PANK4: variants seen among roughly 807,000 people sequenced by gnomAD.
PANK4 encodes 4'-phosphopantetheine phosphatase.
A neutral mutation model predicts 87.9 loss-of-function variants in PANK4; 40 were observed. The observed-to-expected ratio is 0.46, with a 90% CI of 0.35 to 0.59. PANK4 has a LOEUF of 0.59. Ranked by LOEUF, PANK4 falls within the 20% of genes least tolerant of loss-of-function variation. The pLI is 0.00. For synonymous variants in PANK4, 524 were observed against 467.4 expected (o/e 1.12, Z -1.56); for missense variants, 926 against 1,072.3 (o/e 0.86, Z 1.90).
intron 1 of PANK4, among the ~76,000 whole-genome samples, chr1:2,523,487 G>A (rs996443493): frequency 6.6e-6 from 1 of 152,164 alleles, no homozygotes; most frequent in African/African-American, 2.4e-5. Flanking sequence ...CTCATCAAAA[G>A]TCAGTATAAA....
chr1:2,515,967 C>T lies in PANK4; in HGVS notation c.1219-250G>A. 1 of 564,452 alleles carries T rather than the reference C, an allele frequency of 1.8e-6. No homozygotes were observed. Among genetic ancestry groups the T allele is most frequent in the Non-Finnish European group, 3.2e-6 (1 of 315,138 alleles). 35.0% of individuals were successfully genotyped at this position (564,452 alleles called of 1,614,324 possible). A position where few individuals can be genotyped will look rare whatever the true frequency, so the allele number is the denominator to read the frequency against. On this transcript the variant is annotated intron_variant, in intron 9 of 18. Coordinates refer to ENST00000378466, the MANE Select transcript of PANK4 (RefSeq NM_018216.4). The surrounding 1 kb of genome is among the most constrained non-coding windows in gnomAD (Gnocchi z 5.0). Reference sequence around the variant, plus strand: ...CCCACCACACGCCTCCTGCCCCCAGCACCTCCCCGCTGCAGCCACACCTCC... The same window carrying T: ...CCCACCACACGCCTCCTGCCCCCAGTACCTCCCCGCTGCAGCCACACCTCC...
At chr1:2,522,199 T>C (rs965196322) in intron 1 of PANK4, among the ~76,000 whole-genome samples, 1 of 152,228 alleles carries the variant, frequency 6.6e-6, no homozygotes, top group African/African-American at 2.4e-5. Context: ...CAGGCTGTTT[T>C]CGTTTTAAGA....
intron 9 of PANK4, among the ~76,000 whole-genome samples, chr1:2,517,498 C>G (rs879309984): frequency 1.3e-5 from 2 of 152,244 alleles, no homozygotes; most frequent in African/African-American, 2.4e-5. Context: ...CGCGGGGGGG[C>G]ACGGTCGAGG....
intron 9 of PANK4, among the ~76,000 whole-genome samples, chr1:2,516,247 C>T (rs1056312537): frequency 2.8e-4 from 43 of 152,088 alleles, no homozygotes; most frequent in African/African-American, 9.4e-4. Context: ...GGAGTCCCCA[C>T]GCCCCACATG....
rs1553121821 is a variant in PANK4, at chr1:2,511,394, C to T, written c.1784-7G>A. ...TCCACGAGCCAGGGTCTTTCTGAGACAGAGAGAGGGACACATGATTAGCCC... is the reference window on the plus strand; with the variant it reads ...TCCACGAGCCAGGGTCTTTCTGAGATAGAGAGAGGGACACATGATTAGCCC... On this transcript the variant is annotated splice_region_variant and splice_polypyrimidine_tract_variant and intron_variant, in intron 14 of 18. Coordinates refer to ENST00000378466, the MANE Select transcript of PANK4 (RefSeq NM_018216.4). 1.9e-6 allele frequency: 3 copies of T among 1,606,070 alleles called. No individual in the cohort carries two copies. The highest frequency in any genetic ancestry group is 2.6e-6 in the Non-Finnish European group (3 of 1,173,586).
rs1458016488 is a variant in PANK4, at chr1:2,510,063, A to G, written c.2033T>C (p.Val678Ala). 2.5e-6 allele frequency: 4 copies of G among 1,608,640 alleles called. No homozygotes were observed. The highest frequency in any genetic ancestry group is 2.5e-6 in the Non-Finnish European group (3 of 1,177,566). The change falls in exon 17 of 19, where the codon GTC (valine) becomes GCC (alanine). Residue 678 changes from valine (V) to alanine (A), a missense_variant. Val to Ala is a moderately conservative substitution (Grantham distance 64). Coordinates refer to ENST00000378466, the MANE Select transcript of PANK4 (RefSeq NM_018216.4). The surrounding 1 kb of genome is among the most constrained non-coding windows in gnomAD (Gnocchi z 4.9). ...ACTGCCCGCCAACACTCACTGCACG[A>G]CAGGGTCCATGCCCGCAATACGCTC... ...VAERIAGMDP[V>A]VHSALQEERL...
Position 2,509,967 on chromosome 1 carries a change from C to T in PANK4, c.2040-37G>A, listed in dbSNP as rs1643632667. The stretch of plus-strand genomic sequence containing the variant: ...AAGGTGGTCAGTGCCCCCAGGAGCT[C>T]CCAGTTCAGTGACAATCCCCATGGC... On this transcript the variant is annotated intron_variant, in intron 17 of 18. Coordinates refer to ENST00000378466, the MANE Select transcript of PANK4 (RefSeq NM_018216.4). This position sits in a 1 kb window ranked among gnomAD's most constrained non-coding sequence, Gnocchi z 4.9. 1 of 1,597,776 alleles carries T rather than the reference C, an allele frequency of 6.3e-7. No homozygotes were observed. Among genetic ancestry groups the T allele is most frequent in the Non-Finnish European group, 8.5e-7 (1 of 1,171,056 alleles).
At chr1:2,517,993 A>G (rs1042427284) in intron 9 of PANK4, among the ~76,000 whole-genome samples, 171 bp downstream of exon 9, 5 of 152,228 alleles carry the variant, frequency 3.3e-5, no homozygotes, top group Non-Finnish European at 7.3e-5. Context: ...AGCAAGCCAC[A>G]GTGTCCTTCT....
intron 1 of PANK4, among the ~76,000 whole-genome samples, chr1:2,522,507 G>GT (rs1643883197): frequency 1.3e-5 from 2 of 152,158 alleles, no homozygotes; most frequent in African/African-American, 4.8e-5. Flanking sequence ...GGGGCTCTAT[G>GT]TACCTGAACC....
intron 1 of PANK4, 67 bp downstream of exon 1, chr1:2,526,372 CCTTCGTCCTTCCCGCCGCCCCCGCT>C: frequency 1.3e-6 from 1 of 762,708 alleles, no homozygotes; most frequent in Non-Finnish European, 1.6e-6. Flanking sequence ...GCGCCCCCGC[CCTTCGTCCTTCCCGCCGCCCCCGCT>C]CGCCGGCCCA....
chr1:2,521,573 GC>G (rs771384825), intron 2 of PANK4, 144 bp downstream of exon 2: 2 of 783,576 alleles, frequency 2.6e-6, no homozygotes, highest in Non-Finnish European at 4.5e-6. Flanking sequence ...ACGGCGGAAG[GC>G]AGGGGAGGCT....
chr1:2,517,186 C>T (rs554434085), intron 9 of PANK4, among the ~76,000 whole-genome samples: 1 of 152,354 alleles, frequency 6.6e-6, no homozygotes, highest in South Asian at 2.1e-4. Flanking sequence ...CCCAGAGCCT[C>T]GCCCCCACTC....
rs1442551431 is a variant in PANK4, at chr1:2,512,904, C to T, written c.1711G>A (p.Ala571Thr). ...GACACCTACGCAGACACGGCTTTGG[C>T]CCCCCAGTCGAAGACATTCCCCGCC... Reference protein sequence around the residue: ...LLAGNVFDWGAKAVSAVLESD... With the variant: ...LLAGNVFDWGTKAVSAVLESD... The change falls in exon 13 of 19, where the codon GCC (alanine) becomes ACC (threonine). Residue 571 changes from alanine (A) to threonine (T), a missense_variant. Transcript: ENST00000378466. 1 of 1,612,576 alleles carries T rather than the reference C, an allele frequency of 6.2e-7. No homozygotes were observed. Among genetic ancestry groups the T allele is most frequent in the Non-Finnish European group, 8.5e-7 (1 of 1,179,692 alleles).
chr1:2,518,380 C>A, intron 8 of PANK4, 116 bp from the exon 9 acceptor site: 1 of 961,558 alleles, frequency 1.0e-6, no homozygotes, highest in South Asian at 1.4e-5. Context: ...AAATGTTAGA[C>A]ATGCCTGCTG....
In PANK4 at chr1:2,518,594, C is replaced by T. The variant is rs1394917963; in HGVS notation, c.1039G>A (p.Glu347Lys). The T allele has an allele frequency of 1.9e-6, 3 of 1,565,770 alleles. No individual in the cohort carries two copies. Among genetic ancestry groups the T allele is most frequent in the South Asian group, 1.2e-5 (1 of 85,438 alleles). Residue 347 changes from glutamate to lysine, a missense_variant, in exon 8 of 19, where the codon GAA (glutamate) becomes AAA (lysine). Glu to Lys is a moderately conservative substitution (Grantham distance 56). Coordinates refer to ENST00000378466, the MANE Select transcript of PANK4 (RefSeq NM_018216.4). ...TYSINFFSKG[E>K]VQALFLRHEG... ...TGCCTCAGAAACAGCGCCTGCACTT[C>T]CCCCTGCCGTGGCCAAAGCACACGT...
Position 2,518,470 on chromosome 1 carries a change from C to T in PANK4, c.1117+46G>A, listed in dbSNP as rs369031791. The T allele has an allele frequency of 1.5e-4, 218 of 1,497,416 alleles. No individual in the cohort carries two copies. In the African/African-American group the frequency reaches 2.7e-3, roughly 19 times the overall value. The allele number at this position is 1,497,416 out of a possible 1,614,324, so 92.8% of individuals were successfully genotyped here. ...TGGCCTGGAGCACAGGCCCAGGCCA[C>T]AGCTGAGGCCCCACGCTGCTCAGGG... is the stretch of plus-strand genomic sequence containing the variant. On this transcript the variant is annotated intron_variant, in intron 8 of 18. Transcript: ENST00000378466.
chr1:2,508,740 T>C lies in PANK4; in HGVS notation c.*107A>G, dbSNP rs1014677474. The C allele has an allele frequency of 2.8e-6, 2 of 709,034 alleles. No homozygotes were observed. Among genetic ancestry groups the C allele is most frequent in the Non-Finnish European group, 2.5e-6 (1 of 406,262 alleles). 43.9% of individuals were successfully genotyped at this position (709,034 alleles called of 1,614,324 possible). On this transcript the variant is annotated 3_prime_UTR_variant, in exon 19 of 19. Coordinates refer to ENST00000378466, the MANE Select transcript of PANK4 (RefSeq NM_018216.4). This position sits in a 1 kb window ranked among gnomAD's most constrained non-coding sequence, Gnocchi z 5.1. ...GTGCGGCTGGGGTGTATGTGCCGCG[T>C]CACAGCAGTACCATATAAATACGTT... is the stretch of plus-strand genomic sequence containing the variant.
chr1:2,519,981 G>A lies in PANK4; in HGVS notation c.700-27C>T. 3 of 1,524,518 alleles carry A rather than the reference G, an allele frequency of 2.0e-6. No homozygotes were observed. The highest frequency in any genetic ancestry group is 1.4e-5 in the African/African-American group (1 of 72,792). The allele number at this position is 1,524,518 out of a possible 1,614,324, so 94.4% of individuals were successfully genotyped here. On this transcript the variant is annotated intron_variant, in intron 5 of 18. Transcript: ENST00000378466. The surrounding 1 kb of genome is among the most constrained non-coding windows in gnomAD (Gnocchi z 8.3). ...TGCAGGACACGGCGAGGGGGCGGGT[G>A]AGGCGCCAGGAGCTGCTGGAATCCC...
At chr1:2,512,583 AT>A in intron 13 of PANK4, 1 of 420,520 alleles carries the variant, frequency 2.4e-6, no homozygotes, top group Non-Finnish European at 4.3e-6. Flanking sequence ...GGAAACATGA[AT>A]TTGGATTCTG....
Sources: allele counts gnomAD v4.1 joint callset (sites outside exome capture counted in the v4.1 genomes callset), GRCh38; gene constraint gnomAD v4.1.1; non-coding constraint Gnocchi (gnomAD v3.1); transcripts MANE v1.5; gene names NCBI Gene and HGNC (gene_info 2026-07-23, HGNC 2026-07-21).